Variants in ZC3H12B observed in about 807,000 individuals in gnomAD.
ZC3H12B encodes probable ribonuclease ZC3H12B.
Under a neutral mutation model 43.9 loss-of-function variants are expected in ZC3H12B, and 7 were observed. The observed-to-expected ratio is 0.16, with a 90% CI of 0.09 to 0.30. The LOEUF (loss-of-function observed/expected upper bound fraction) is 0.30, where lower values mean the gene tolerates loss of function less well. Ranked by LOEUF, ZC3H12B falls within the 10% of genes least tolerant of loss-of-function variation. ZC3H12B has a pLI of 1.00. For missense variants in ZC3H12B, 475 were observed against 670.2 expected (o/e 0.71, Z 3.22); for synonymous variants, 222 against 241.7 (o/e 0.92, Z 0.76).
the ZC3H12B span, among the ~76,000 whole-genome samples, chrX:65,211,660 C>T: frequency 2.3e-5 from 2 of 86,921 alleles, no homozygotes; most frequent in African/African-American, 4.3e-5. Flanking sequence ...ATTATATATA[C>T]ATAATATATA....
chrX:65,327,253 A>G, the ZC3H12B span, among the ~76,000 whole-genome samples: 4 of 111,391 alleles, frequency 3.6e-5, no homozygotes, highest in Non-Finnish European at 7.6e-5. Flanking sequence ...ATATATATAG[A>G]TATATACAAA....
At chrX:65,407,072 GAAAGAAAGAAGACCGAGGAAGA>G (rs776564917) in intron 3 of ZC3H12B, among the ~76,000 whole-genome samples, 20 of 112,550 alleles carry the variant, frequency 1.8e-4, no homozygotes, top group Non-Finnish European at 2.8e-4. Flanking sequence ...GTGAAGGAAG[GAAAGAAAGAAGACCGAGGAAGA>G]AAAGAAAGAA....
At chrX:65,057,246 G>C in the ZC3H12B span, among the ~76,000 whole-genome samples, 1 of 111,643 alleles carries the variant, frequency 9.0e-6, no homozygotes, top group African/African-American at 3.3e-5. Context: ...TATGTTTAGT[G>C]CTTCCTTCAG....
the ZC3H12B span, among the ~76,000 whole-genome samples, chrX:65,255,733 A>G: frequency 1.8e-5 from 2 of 112,506 alleles, no homozygotes; most frequent in Non-Finnish European, 3.8e-5. Context: ...ATTAAAAGGC[A>G]CAAAGTGGAA....
the ZC3H12B span, among the ~76,000 whole-genome samples, chrX:65,113,128 G>T: frequency 1.8e-5 from 2 of 111,299 alleles, no homozygotes; most frequent in Non-Finnish European, 3.8e-5. Flanking sequence ...CACTGTTGAT[G>T]TGATGGAGAT....
At chrX:65,105,224 A>G in the ZC3H12B span, among the ~76,000 whole-genome samples, 1 of 109,228 alleles carries the variant, frequency 9.2e-6, no homozygotes, top group African/African-American at 3.3e-5. Flanking sequence ...GGACACCGCA[A>G]GGGGAACATC....
At chrX:65,416,145 G>A (rs1336342819) in intron 3 of ZC3H12B, among the ~76,000 whole-genome samples, 1 of 111,857 alleles carries the variant, frequency 8.9e-6, no homozygotes, top group Non-Finnish European at 1.9e-5. Context: ...TATAAGATAC[G>A]ATCTTAGCCC....
chrX:65,146,919 G>A, the ZC3H12B span, among the ~76,000 whole-genome samples: 1 of 111,524 alleles, frequency 9.0e-6, no homozygotes, highest in Admixed American at 9.5e-5. Flanking sequence ...GGTCCTCTCA[G>A]GTTTTCTGAT....
At chrX:65,503,567 G>T in exon 5 of ZC3H12B, 1 of 139,534 alleles carries the variant, frequency 7.2e-6, no homozygotes, top group Non-Finnish European at 1.4e-5. Context: ...AATCCCAGAG[G>T]ATTCCATTAC....
At chrX:65,370,847 A>G (rs933460069) in intron 2 of ZC3H12B, among the ~76,000 whole-genome samples, 2 of 112,490 alleles carry the variant, frequency 1.8e-5, no homozygotes, top group Non-Finnish European at 3.8e-5. Flanking sequence ...TAGTTTCATA[A>G]CAAAGCCCAA....
At chrX:65,390,444 A>T (rs1250726665) in intron 2 of ZC3H12B, among the ~76,000 whole-genome samples, 1 of 111,619 alleles carries the variant, frequency 9.0e-6, no homozygotes, top group Non-Finnish European at 1.9e-5. Flanking sequence ...TCGAAATCAG[A>T]TTGATTTCAA....
At chrX:65,318,237 A>T in the ZC3H12B span, among the ~76,000 whole-genome samples, 27 of 106,722 alleles carry the variant, frequency 2.5e-4, 1 homozygote, top group East Asian at 3.5e-3. Context: ...GTAATGTGGT[A>T]TCGCATTGTG....
chrX:65,183,742 T>C, the ZC3H12B span, among the ~76,000 whole-genome samples: 4 of 111,793 alleles, frequency 3.6e-5, 1 homozygote, highest in South Asian at 1.5e-3. Context: ...ATAGAATATG[T>C]AAGGTACTTA....
the ZC3H12B span, among the ~76,000 whole-genome samples, chrX:65,301,191 T>A: frequency 9.0e-6 from 1 of 110,881 alleles, no homozygotes; most frequent in Non-Finnish European, 1.9e-5. Context: ...AAAATACATG[T>A]TGGTGTGGAT....
chrX:65,296,054 G>T, the ZC3H12B span, among the ~76,000 whole-genome samples: 2 of 112,002 alleles, frequency 1.8e-5, no homozygotes, highest in Non-Finnish European at 3.8e-5. Flanking sequence ...AAAGATACCT[G>T]CACATGCATG....
intron 3 of ZC3H12B, among the ~76,000 whole-genome samples, chrX:65,453,737 A>AC (rs1180817682): frequency 9.1e-6 from 1 of 110,072 alleles, no homozygotes; most frequent in African/African-American, 3.3e-5. Context: ...ACACACACAC[A>AC]AAAAGGAATA....
At chrX:65,181,385 A>G in the ZC3H12B span, among the ~76,000 whole-genome samples, 2 of 111,921 alleles carry the variant, frequency 1.8e-5, no homozygotes, top group Non-Finnish European at 3.8e-5. Context: ...AATTGAAACA[A>G]AAGCCAAAAT....
At chrX:65,291,297 T>A in the ZC3H12B span, among the ~76,000 whole-genome samples, 1 of 111,856 alleles carries the variant, frequency 8.9e-6, no homozygotes, top group African/African-American at 3.2e-5. Flanking sequence ...TACTTCTTGG[T>A]ATTTATTCAA....
At chrX:65,152,322 T>C in the ZC3H12B span, among the ~76,000 whole-genome samples, 1 of 111,422 alleles carries the variant, frequency 9.0e-6, no homozygotes, top group Non-Finnish European at 1.9e-5. Context: ...TGATTGTATA[T>C]CTAGAAAACC....
Sources: gnomAD v4.1 joint callset for allele counts (sites outside exome capture counted in the v4.1 genomes callset) on GRCh38, gnomAD v4.1.1 for gene constraint, MANE v1.5 for transcripts, NCBI Gene and HGNC (gene_info 2026-07-23, HGNC 2026-07-21) for gene names.